The following PIBF1 variants were observed in gnomAD, a reference collection of about 807,000 sequenced individuals.
PIBF1 encodes progesterone immunomodulatory binding factor 1, also known as progesterone-induced-blocking factor 1.
PIBF1 carries 90 observed loss-of-function variants against 112.5 expected under a neutral mutation model. The observed-to-expected ratio is 0.80, with a 90% CI of 0.67 to 0.95. The LOEUF is 0.95. Among genes scored for constraint, PIBF1 ranks in the 40% least tolerant of loss-of-function variants. PIBF1 has a pLI of 0.00. For synonymous variants in PIBF1, 301 were observed against 288.6 expected, an observed-to-expected ratio of 1.04 and a Z score of -0.44; for missense variants, 915 against 852.3, an observed-to-expected ratio of 1.07 and a Z score of -0.92.
intron 14 of PIBF1, among the ~76,000 whole-genome samples, chr13:72,961,306 C>A (rs1019285351): frequency 6.6e-6 from 1 of 152,084 alleles, no homozygotes; most frequent in East Asian, 1.9e-4. Context: ...CTATATCCAT[C>A]CCACTGTTCC....
chr13:72,925,542 CT>C (rs59074858), intron 13 of PIBF1, among the ~76,000 whole-genome samples: 19,695 of 101,574 alleles, frequency 0.19, 685 homozygotes, highest in East Asian at 0.34. Flanking sequence ...CTTTCTCTCT[CT>C]TTTTTTTTTT....
At chr13:72,792,652 T>A in intron 3 of PIBF1, 105 bp downstream of exon 3, 1 of 598,054 alleles carries the variant, frequency 1.7e-6, no homozygotes, top group Non-Finnish European at 2.9e-6. Flanking sequence ...AGAGAAATTT[T>A]AAGTCAGAGA....
At position 72,827,836 on chromosome 13, in the gene PIBF1, G is replaced by A. The variant is rs764158935; in HGVS notation, c.1019G>A (p.Arg340His). 1.6e-5 allele frequency: 26 copies of A among 1,599,550 alleles called. No homozygotes were observed. The East Asian group carries it at 2.9e-4, about 18-fold the overall frequency. ...GTTCGCTGTGCTCATGAAGAGGATCGCCTTGAAAGACTTCAAGCTCAACTG... is the reference window on the plus strand; with the variant it reads ...GTTCGCTGTGCTCATGAAGAGGATCACCTTGAAAGACTTCAAGCTCAACTG... Reference protein sequence around the residue: ...LSVRCAHEEDRLERLQAQLEE... With the variant: ...LSVRCAHEEDHLERLQAQLEE... Residue 340 changes from arginine (R) to histidine (H), a missense_variant, in exon 8 of 18, where the codon CGC becomes CAC. Arg to His is a conservative substitution (Grantham distance 29, BLOSUM62 0). Coordinates refer to ENST00000326291, the MANE Select transcript of PIBF1 (RefSeq NM_006346.4).
chr13:72,783,527 T>A lies in PIBF1; in HGVS notation c.58T>A (p.Ser20Thr). Reference protein sequence around the residue: ...KKVNISSSLESEDISLETTVP... With the variant: ...KKVNISSSLETEDISLETTVP... ...AGTGAACATCTCTAGTTCTCTGGAA[T>A]CTGAAGATATTAGTTTAGAAACAAC... Residue 20 changes from serine to threonine, a missense_variant, in exon 2 of 18, where the codon TCT (serine) becomes ACT (threonine). Physicochemically the swap from Ser to Thr is moderately conservative, Grantham distance 58. Transcript: ENST00000326291. 6.2e-7 allele frequency: 1 copy of A among 1,613,054 alleles called. No individual in the cohort carries two copies. The highest frequency in any genetic ancestry group is 8.5e-7 in the Non-Finnish European group (1 of 1,179,042).
intron 10 of PIBF1, among the ~76,000 whole-genome samples, chr13:72,856,978 A>G (rs1292922028): frequency 6.6e-6 from 1 of 152,138 alleles, no homozygotes; most frequent in South Asian, 2.1e-4. Context: ...GTGAAGTTCA[A>G]TTTTGGGGTA....
chr13:72,783,456 C>A lies in PIBF1; in HGVS notation c.-14C>A, dbSNP rs2034411043. 1 of 1,530,954 alleles carries A rather than the reference C, an allele frequency of 6.5e-7. No individual in the cohort carries two copies. Among genetic ancestry groups the A allele is most frequent in the Non-Finnish European group, 9.0e-7 (1 of 1,114,204 alleles). 94.8% of individuals were successfully genotyped at this position (1,530,954 alleles called of 1,614,324 possible). A position where few individuals can be genotyped will look rare whatever the true frequency, so the allele number is the denominator to read the frequency against. On this transcript the variant is annotated 5_prime_UTR_variant, in exon 2 of 18. Coordinates refer to ENST00000326291, the MANE Select transcript of PIBF1 (RefSeq NM_006346.4). ...AATCAAATTAGAGAAGAAAACTGAT[C>A]CATAATAATAAAAATGTCTCGAAAA...
chr13:72,968,543 C>T (rs1415491586), intron 15 of PIBF1, among the ~76,000 whole-genome samples: 4 of 151,886 alleles, frequency 2.6e-5, no homozygotes, highest in Non-Finnish European at 4.4e-5. Context: ...TCAAATGATC[C>T]GCTGGCCTTG....
chr13:72,825,869 T>C (rs1041178457), intron 6 of PIBF1, among the ~76,000 whole-genome samples: 2 of 145,974 alleles, frequency 1.4e-5, no homozygotes, highest in African/African-American at 5.1e-5. Context: ...ACTTTAAGAC[T>C]AGCCAGGGCA....
intron 14 of PIBF1, among the ~76,000 whole-genome samples, chr13:72,954,117 G>T (rs2042375941): frequency 6.6e-6 from 1 of 152,136 alleles, no homozygotes; most frequent in Non-Finnish European, 1.5e-5. Flanking sequence ...ATCCACACAG[G>T]GAGTGGGAGC....
At chr13:72,832,072 CTTTTTTTTTTTTTT>C (rs754794968) in intron 8 of PIBF1, among the ~76,000 whole-genome samples, 28 of 42,906 alleles carry the variant, frequency 6.5e-4, no homozygotes, top group African/African-American at 1.2e-3. Context: ...CAATTCCGGC[CTTTTTTTTTTTTTT>C]TTTTTTTTTT....
rs1030975699 is a variant in PIBF1 at position 73,008,781 on chromosome 13, G to A, written c.2224-7088G>A. 3.9e-5 allele frequency among the ~76,000 whole-genome samples: 6 copies of A among 152,220 alleles called. No individual in the cohort carries two copies. In the South Asian group the frequency reaches 8.3e-4, roughly 21 times the overall value. The stretch of plus-strand genomic sequence containing the variant: ...CTGTGCTTTAACCACTGTACTATAC[G>A]GTGCTCAAACCACAAAAATCAAAGA... On this transcript the variant is annotated intron_variant, in intron 17 of 17. Coordinates refer to ENST00000326291, the MANE Select transcript of PIBF1 (RefSeq NM_006346.4).
At position 72,795,627 on chromosome 13, in the gene PIBF1, G is replaced by A. The variant is rs2035156052; in HGVS notation, c.552+70G>A. ...ACTAAAATTTACCATTTATATAGTA[G>A]CAATTACTTTTGAAGTACCCAATTG... On this transcript the variant is annotated intron_variant, in intron 4 of 17. Transcript: ENST00000326291. The A allele has an allele frequency of 5.2e-6, 5 of 961,256 alleles. No individual in the cohort carries two copies. In the South Asian group the frequency reaches 7.5e-5, roughly 14 times the overall value. The allele number at this position is 961,256 out of a possible 1,614,324, so 59.5% of individuals were successfully genotyped here. A position where few individuals can be genotyped will look rare whatever the true frequency, so the allele number is the denominator to read the frequency against.
chr13:72,941,527 A>C (rs1431003460), intron 14 of PIBF1, among the ~76,000 whole-genome samples: 1 of 152,180 alleles, frequency 6.6e-6, no homozygotes, highest in Admixed American at 6.5e-5. Context: ...TTCTAACATA[A>C]CCAACCTTAT....
At chr13:72,802,211 G>T (rs1467971977) in intron 5 of PIBF1, among the ~76,000 whole-genome samples, 3 of 152,038 alleles carry the variant, frequency 2.0e-5, no homozygotes, top group Non-Finnish European at 4.4e-5. Context: ...TATCGTCCAA[G>T]GGTCAAGTCT....
At chr13:72,824,109 G>C (rs899371665) in intron 6 of PIBF1, among the ~76,000 whole-genome samples, 3 of 151,904 alleles carry the variant, frequency 2.0e-5, no homozygotes, top group Non-Finnish European at 4.4e-5. Context: ...TGCCTCCCAG[G>C]TTCAAACAAT....
intron 17 of PIBF1, among the ~76,000 whole-genome samples, chr13:73,006,352 A>T (rs2044034507): frequency 6.6e-6 from 1 of 152,046 alleles, no homozygotes; most frequent in African/African-American, 2.4e-5. Flanking sequence ...ACTAATTGTA[A>T]CCTCTTCCTG....
chr13:72,895,616 G>T (rs1312254828), intron 11 of PIBF1, among the ~76,000 whole-genome samples: 1 of 151,846 alleles, frequency 6.6e-6, no homozygotes. Flanking sequence ...TCTGTGTGTT[G>T]TTTTTAAAAT....
intron 14 of PIBF1, among the ~76,000 whole-genome samples, chr13:72,956,568 A>G (rs1186703468): frequency 6.6e-6 from 1 of 152,212 alleles, no homozygotes; most frequent in African/African-American, 2.4e-5. Flanking sequence ...TATCTGTGGC[A>G]TGGCATTATG....
At chr13:72,923,667 T>A (rs2041375606) in intron 13 of PIBF1, among the ~76,000 whole-genome samples, 1 of 152,200 alleles carries the variant, frequency 6.6e-6, no homozygotes, top group Non-Finnish European at 1.5e-5. Flanking sequence ...GTTATTCTTC[T>A]TGAAGATCTT....
Sources: allele counts gnomAD v4.1 joint callset (sites outside exome capture counted in the v4.1 genomes callset), GRCh38; gene constraint gnomAD v4.1.1; transcripts MANE v1.5; gene names NCBI Gene and HGNC (gene_info 2026-07-23, HGNC 2026-07-21).